FBXO17: variants seen among roughly 807,000 people sequenced by gnomAD.
The protein encoded by FBXO17 is F-box protein 17.
In FBXO17, 43 loss-of-function variants were observed where a neutral mutation model predicts 34.1. The ratio of observed to expected loss-of-function variants is 1.26; its 90% CI spans 0.99 to 1.62. FBXO17 has a LOEUF of 1.62. Among genes scored for constraint, FBXO17 ranks in the 40% most tolerant of loss-of-function variants. The pLI is 0.00. For synonymous variants in FBXO17, 169 were observed against 166.0 expected (o/e 1.02, Z -0.14); for missense variants, 424 against 386.7 (o/e 1.10, Z -0.81).
chr19:38,949,026 C>G (rs1321589955), intron 2 of FBXO17, among the ~76,000 whole-genome samples: 1 of 152,082 alleles, frequency 6.6e-6, no homozygotes, highest in African/African-American at 2.4e-5. Context: ...AACTCCTGGG[C>G]TCAAGCGATC....
Position 38,950,351 on chromosome 19 carries a change from G to A in FBXO17, c.-17-15C>T. The A allele has an allele frequency of 7.1e-7, 1 of 1,401,114 alleles. No individual in the cohort carries two copies. Among genetic ancestry groups the A allele is most frequent in the Non-Finnish European group, 9.2e-7 (1 of 1,086,158 alleles). 86.8% of individuals were successfully genotyped at this position (1,401,114 alleles called of 1,614,324 possible). A position where few individuals can be genotyped will look rare whatever the true frequency, so the allele number is the denominator to read the frequency against. On this transcript the variant is annotated splice_polypyrimidine_tract_variant and intron_variant, in intron 1 of 5. Transcript: ENST00000292852. Reference sequence around the variant, plus strand: ...TAGCCAGAGTCCTGCAGGTCGAGAGGGGTCGGTAGGCGGGTCAGCGCAGCC... The same window carrying A: ...TAGCCAGAGTCCTGCAGGTCGAGAGAGGTCGGTAGGCGGGTCAGCGCAGCC...
chr19:38,944,906 C>G, intron 5 of FBXO17, 63 bp downstream of exon 5: 1 of 1,596,538 alleles, frequency 6.3e-7, no homozygotes, highest in Non-Finnish European at 8.5e-7. Context: ...ACCGAGCAGA[C>G]GAGAGGCTGG....
chr19:38,944,267 T>TTATTATTATTATTATTATTAC (rs1234680208), intron 5 of FBXO17, among the ~76,000 whole-genome samples: 3 of 150,414 alleles, frequency 2.0e-5, no homozygotes, highest in Non-Finnish European at 3.0e-5. Flanking sequence ...ATTATTATTA[T>TTATTATTATTATTATTATTAC]TATTATTATT....
intron 4 of FBXO17, 177 bp from the exon 5 acceptor site, chr19:38,945,281 A>C: frequency 2.6e-6 from 2 of 765,940 alleles, no homozygotes; most frequent in Non-Finnish European, 2.0e-6. Context: ...CTGGGGTGGA[A>C]CCAGAGCCTG....
intron 5 of FBXO17, among the ~76,000 whole-genome samples, chr19:38,943,737 C>T (rs1974929310): frequency 6.6e-6 from 1 of 152,122 alleles, no homozygotes; most frequent in Admixed American, 6.5e-5. Context: ...ATTACAGACG[C>T]CCATCACCGT....
chr19:38,946,631 C>A (rs760334485), intron 3 of FBXO17, 64 bp from the exon 4 acceptor site: 70 of 1,587,922 alleles, frequency 4.4e-5, no homozygotes, highest in Non-Finnish European at 5.7e-5. Flanking sequence ...CAGTCAGAAG[C>A]CACCTCCTCC....
rs757491038 is a variant in FBXO17, at chr19:38,942,705, G to T, written c.740C>A (p.Ser247Tyr). ...TNFGKGIRYV[S>Y]FEQYGRDVSS... ...CACGTCTCTCCCGTACTGCTCAAAA[G>T]ATACGTAGCGGATGCCCTTGCCAAA... The change falls in exon 6 of 6, where the codon TCT (serine) becomes TAT (tyrosine). Residue 247 changes from serine to tyrosine, a missense_variant. By Grantham distance (144) the Ser-to-Tyr change is moderately radical. Coordinates refer to ENST00000292852, the MANE Select transcript of FBXO17 (RefSeq NM_024907.7). 1 of 1,606,132 alleles carries T rather than the reference G, an allele frequency of 6.2e-7. No individual in the cohort carries two copies. The highest frequency in any genetic ancestry group is 8.5e-7 in the Non-Finnish European group (1 of 1,176,842).
intron 3 of FBXO17, 100 bp downstream of exon 3, chr19:38,948,467 G>GGA (rs1385918124): frequency 2.5e-5 from 20 of 798,078 alleles, no homozygotes; most frequent in Non-Finnish European, 2.0e-5. Context: ...AATGGGGGAA[G>GGA]GAGAGGGTGA....
Position 38,950,289 on chromosome 19 carries a change from G to C in FBXO17, c.31C>G (p.Pro11Ala). The C allele has an allele frequency of 1.4e-6, 2 of 1,440,214 alleles. No individual in the cohort carries two copies. The highest frequency in any genetic ancestry group is 1.8e-6 in the Non-Finnish European group (2 of 1,106,278). The allele number at this position is 1,440,214 out of a possible 1,614,324, so 89.2% of individuals were successfully genotyped here. The change falls in exon 2 of 6, where the codon CCG becomes GCG. Residue 11 changes from proline to alanine, a missense_variant. Coordinates refer to ENST00000292852, the MANE Select transcript of FBXO17 (RefSeq NM_024907.7). MGARLSRRRL[P>A]ADPSLALDAL... ...TCCAGGGCCAGGGATGGGTCCGCCG[G>C]CAGCCGTCGCCGCGATAGCCGGGCG... is the stretch of plus-strand genomic sequence containing the variant.
intron 1 of FBXO17, among the ~76,000 whole-genome samples, chr19:38,962,288 G>C (rs1975263099): frequency 6.6e-6 from 1 of 151,812 alleles, no homozygotes; most frequent in Non-Finnish European, 1.5e-5. Context: ...TTTTTCAGTA[G>C]AGGGCGCTGG....
intron 5 of FBXO17, 119 bp downstream of exon 5, chr19:38,944,850 T>A (rs752789424): frequency 1.4e-6 from 2 of 1,430,608 alleles, no homozygotes; most frequent in Non-Finnish European, 1.9e-6. Flanking sequence ...GGCTCGATAC[T>A]TCTTAGCTGT....
rs377634802 is a variant in FBXO17, at chr19:38,945,623, T to C, written c.558-519A>G. On this transcript the variant is annotated intron_variant, in intron 4 of 5. Coordinates refer to ENST00000292852, the MANE Select transcript of FBXO17 (RefSeq NM_024907.7). ...CAGAGCAGGGGAGGAGCCTGGGTGG[T>C]CCTGGGGGAGGAGCCTGGGTGGTCC... 3.6e-4 allele frequency: 13 copies of C among 36,140 alleles called. No individual in the cohort carries two copies. The South Asian group carries it at 9.4e-3, about 26-fold the overall frequency. 2.2% of individuals were successfully genotyped at this position (36,140 alleles called of 1,614,324 possible).
chr19:38,943,981 C>T (rs759436813), intron 5 of FBXO17, among the ~76,000 whole-genome samples: 4 of 152,194 alleles, frequency 2.6e-5, no homozygotes, highest in Admixed American at 1.3e-4. Flanking sequence ...CCCATCACCC[C>T]AGGAAAAAAC....
At chr19:38,946,722 A>T (rs761415366) in intron 3 of FBXO17, 155 bp from the exon 4 acceptor site, 9 of 1,068,800 alleles carry the variant, frequency 8.4e-6, no homozygotes, top group Non-Finnish European at 1.2e-5. Flanking sequence ...GATGGGCTAT[A>T]CATCTCTCCT....
chr19:38,960,364 G>A (rs928442947), intron 1 of FBXO17, among the ~76,000 whole-genome samples: 3 of 151,346 alleles, frequency 2.0e-5, no homozygotes, highest in South Asian at 2.1e-4. Flanking sequence ...TGCCTTTGCC[G>A]TCAGATGGTG....
At chr19:38,965,091 C>T (rs1975302441) in intron 1 of FBXO17, among the ~76,000 whole-genome samples, 1 of 152,052 alleles carries the variant, frequency 6.6e-6, no homozygotes, top group South Asian at 2.1e-4. Context: ...TAGCAAGGAC[C>T]ATCAGATGTT....
At chr19:38,955,651 T>C (rs539336266) in intron 1 of FBXO17, among the ~76,000 whole-genome samples, 6 of 151,902 alleles carry the variant, frequency 3.9e-5, no homozygotes, top group Non-Finnish European at 8.8e-5. Flanking sequence ...GCCCTGCTTA[T>C]TTTTGTATCG....
chr19:38,944,845 G>A (rs10416055), intron 5 of FBXO17, 124 bp downstream of exon 5: 910,810 of 1,382,722 alleles, frequency 0.66, 305,757 homozygotes, highest in East Asian at 0.96. Context: ...AGAAGGGCTC[G>A]ATACTTCTTA....
intron 1 of FBXO17, among the ~76,000 whole-genome samples, chr19:38,959,364 C>T (rs1975215846): frequency 1.3e-5 from 2 of 151,124 alleles, no homozygotes; most frequent in Admixed American, 1.3e-4. Flanking sequence ...CTGCAATCTC[C>T]ACCTCCTGGA....
Sources: gnomAD v4.1 joint callset for allele counts (sites outside exome capture counted in the v4.1 genomes callset) on GRCh38, gnomAD v4.1.1 for gene constraint, MANE v1.5 for transcripts, NCBI Gene and HGNC (gene_info 2026-07-23, HGNC 2026-07-21) for gene names.